Variants in PEX6 observed in about 807,000 individuals in gnomAD.
PEX6 encodes the protein peroxisome biogenesis factor 6.
In PEX6, 55 loss-of-function variants were observed where a neutral mutation model predicts 85.6. That is an observed-to-expected ratio of 0.64 (90% CI 0.52 to 0.80). The LOEUF (loss-of-function observed/expected upper bound fraction) is 0.80, where lower values mean the gene tolerates loss of function less well. PEX6 is among the 30% of genes least tolerant of loss of function. The pLI, the probability that PEX6 is intolerant of heterozygous loss-of-function variation, is 0.00. For synonymous variants in PEX6, 519 were observed against 549.1 expected (o/e 0.95, Z 0.77); for missense variants, 1,099 against 1,260.3 (o/e 0.87, Z 1.94).
chr6:42,974,822 AG>A, intron 2 of PEX6, 52 bp downstream of exon 2: 1 of 1,522,374 alleles, frequency 6.6e-7, no homozygotes, highest in Non-Finnish European at 9.1e-7. Context: ...ATGGGATAGG[AG>A]GAATGTAATG....
intron 3 of PEX6, among the ~76,000 whole-genome samples, chr6:42,973,072 T>C (rs9296406): frequency 0.59 from 89,789 of 151,894 alleles, 28,741 homozygotes; most frequent in African/African-American, 0.84. Context: ...AGAGCAGTGA[T>C]GCGATCTGGG....
chr6:42,970,103 G>T, intron 3 of PEX6, 116 bp from the exon 4 acceptor site: 1 of 799,704 alleles, frequency 1.3e-6, no homozygotes, highest in Non-Finnish European at 2.2e-6. Flanking sequence ...CGTGTCCCGA[G>T]TCATGGTGGG....
rs757254854 is a variant in PEX6 at position 42,964,354 on chromosome 6, C to T, written c.2924G>A (p.Arg975His). The T allele has an allele frequency of 1.1e-5, 17 of 1,613,776 alleles. No individual in the cohort carries two copies. The highest frequency in any genetic ancestry group is 2.2e-5 in the East Asian group (1 of 44,884). The change falls in exon 17 of 17, where the codon CGC (arginine) becomes CAC (histidine). Residue 975 changes from arginine to histidine, a missense_variant. By Grantham distance (29) the Arg-to-His change is conservative (BLOSUM62 0). This residue lies in a region of PEX6 where 514 missense variants were observed against 627.0 expected (regional missense o/e 0.82). Transcript: ENST00000304611. This position sits in a 1 kb window ranked among gnomAD's most constrained non-coding sequence, Gnocchi z 4.6. The part of the protein sequence containing the change: ...QELLRYKRIQ[R>H]KFAAC ...GGGCTCCTAGCAGGCAGCAAACTTG[C>T]GCTGGATGCGCTTGTACCGGAGCAG...
At chr6:42,972,522 G>C (rs562834034) in intron 3 of PEX6, among the ~76,000 whole-genome samples, 3 of 152,278 alleles carry the variant, frequency 2.0e-5, no homozygotes, top group Non-Finnish European at 4.4e-5. Context: ...TGTAATCCCA[G>C]CACTTTGGGA....
In PEX6 at chr6:42,964,438, G is replaced by T. The variant is rs1405607038; in HGVS notation, c.2840C>A (p.Thr947Asn). The T allele has an allele frequency of 3.7e-6, 6 of 1,613,852 alleles. No individual in the cohort carries two copies. Among genetic ancestry groups the T allele is most frequent in the Non-Finnish European group, 5.1e-6 (6 of 1,180,014 alleles). ...GGCAGCCTGCAGCAAGTCCTCCATG[G>T]TGAGCATCAGTGCTGAGCTACCTGG... The part of the protein sequence containing the change: ...LEPGSSALML[T>N]MEDLLQAAAR... The change falls in exon 17 of 17, where the codon ACC becomes AAC. Residue 947 changes from threonine (T) to asparagine (N), a missense_variant. Physicochemically the swap from Thr to Asn is moderately conservative, Grantham distance 65. Around this residue, in one of 3 missense-constraint regions of PEX6, gnomAD observed 514 missense variants for 627.0 expected, o/e 0.82. Transcript: ENST00000304611. The surrounding 1 kb of genome is among the most constrained non-coding windows in gnomAD (Gnocchi z 4.6).
chr6:42,972,249 A>T (rs1407415896), intron 3 of PEX6, among the ~76,000 whole-genome samples: 2 of 152,200 alleles, frequency 1.3e-5, no homozygotes, highest in African/African-American at 2.4e-5. Context: ...TGCTGCAGGA[A>T]ATGAGTCCAG....
intron 3 of PEX6, among the ~76,000 whole-genome samples, chr6:42,970,791 C>T (rs145500014): frequency 7.2e-4 from 109 of 152,272 alleles, no homozygotes; most frequent in African/African-American, 2.4e-3. Flanking sequence ...CCAGTCTCAC[C>T]CTGATTCTGC....
intron 1 of PEX6, 112 bp downstream of exon 1, chr6:42,978,157 T>C (rs1770383330): frequency 1.5e-6 from 2 of 1,336,368 alleles, no homozygotes; most frequent in Non-Finnish European, 2.1e-6. Context: ...AAACATTATG[T>C]TCAAAGTCCG....
chr6:42,973,783 G>C lies in PEX6; in HGVS notation c.1130+220C>G, dbSNP rs1265949114. 2.6e-5 allele frequency among the ~76,000 whole-genome samples: 4 copies of C among 152,158 alleles called. No individual in the cohort carries two copies. The South Asian group carries it at 8.3e-4, about 32-fold the overall frequency. ...CAGTGCTGAGGTGGGAGGATCACTTGAGCCATGGAGGTAGAGGCTGCAGTG... is the reference window on the plus strand; with the variant it reads ...CAGTGCTGAGGTGGGAGGATCACTTCAGCCATGGAGGTAGAGGCTGCAGTG... On this transcript the variant is annotated intron_variant, in intron 3 of 16. Coordinates refer to ENST00000304611, the MANE Select transcript of PEX6 (RefSeq NM_000287.4).
intron 3 of PEX6, among the ~76,000 whole-genome samples, chr6:42,972,804 T>A (rs1419140887): frequency 6.6e-6 from 1 of 150,586 alleles, no homozygotes; most frequent in Admixed American, 6.6e-5. Flanking sequence ...ATCCCTCTCC[T>A]GTTTTCAGAG....
chr6:42,972,478 T>C (rs1222108714), intron 3 of PEX6, among the ~76,000 whole-genome samples: 2 of 152,032 alleles, frequency 1.3e-5, no homozygotes, highest in African/African-American at 2.4e-5. Flanking sequence ...TCAAAAACAA[T>C]AGAAATCCCT....
rs1337827374 is a variant in PEX6, at chr6:42,964,154, TA to T, written c.*180del. On this transcript the variant is annotated 3_prime_UTR_variant, in exon 17 of 17. Coordinates refer to ENST00000304611, the MANE Select transcript of PEX6 (RefSeq NM_000287.4). The surrounding 1 kb of genome is among the most constrained non-coding windows in gnomAD (Gnocchi z 4.6). The stretch of plus-strand genomic sequence containing the variant: ...GAAGGAGGGGCAAGTAGGCAGGAGA[TA>T]TCTCTTGAGCTGTTGCTGCTGTCTC... 3 of 646,420 alleles carry T rather than the reference TA, an allele frequency of 4.6e-6. No individual in the cohort carries two copies. The highest frequency in any genetic ancestry group is 5.3e-5 in the Admixed American group (2 of 37,388). The allele number at this position is 646,420 out of a possible 1,614,324, so 40.0% of individuals were successfully genotyped here. A position where few individuals can be genotyped will look rare whatever the true frequency, so the allele number is the denominator to read the frequency against.
chr6:42,978,749 G>A lies in PEX6; in HGVS notation c.402C>T (p.Pro134=), dbSNP rs773371109. 6.5e-6 allele frequency: 10 copies of A among 1,536,062 alleles called. No homozygotes were observed. Among genetic ancestry groups the A allele is most frequent in the Admixed American group, 2.0e-5 (1 of 51,046 alleles). The change falls in exon 1 of 17, where the codon CCC becomes CCT. Residue 134 remains proline (P), a synonymous_variant. Transcript: ENST00000304611. ...GCCGCGTCTCCAGCACCCGCGGTCC[G>A]GGCACTGGGAGGGTCTCTCCGCGCC... ...LVRRGETLPV[P]GPRVLETRPA... is the part of the protein sequence containing the mutation.
Position 42,964,684 on chromosome 6 carries a change from G to T in PEX6, c.2806+106C>A. ...TGCCCAGGCTGGCCTCAAACTCCTG[G>T]GCTCAAGCGATCCTCCCACCTCAGC... is the stretch of plus-strand genomic sequence containing the variant. On this transcript the variant is annotated intron_variant, in intron 16 of 16. Transcript: ENST00000304611. The surrounding 1 kb of genome is among the most constrained non-coding windows in gnomAD (Gnocchi z 4.6). 6.7e-7 allele frequency: 1 copy of T among 1,490,890 alleles called. No homozygotes were observed. The allele number at this position is 1,490,890 out of a possible 1,614,324, so 92.4% of individuals were successfully genotyped here.
intron 2 of PEX6, 73 bp from the exon 3 acceptor site, chr6:42,974,159 C>T (rs927809242): frequency 8.9e-7 from 1 of 1,118,110 alleles, no homozygotes; most frequent in Non-Finnish European, 1.4e-6. Flanking sequence ...ACATGTCCAC[C>T]CCCGACATGC....
intron 9 of PEX6, 44 bp from the exon 10 acceptor site, chr6:42,966,701 C>T (rs1769822338): frequency 2.5e-6 from 4 of 1,614,016 alleles, no homozygotes; most frequent in Non-Finnish European, 3.4e-6. Context: ...ATCAGCGTCC[C>T]ATTCCCTTCT....
chr6:42,968,391 T>C lies in PEX6; in HGVS notation c.1587A>G (p.Thr529=). The change falls in exon 7 of 17, where the codon ACA becomes ACG. Residue 529 remains threonine, a synonymous_variant. Transcript: ENST00000304611. ...GGTCCCGGCCCAGAAGGTCCACAGC[T>C]GTGAGCAACAGGACTGCAGGCCGGC... The part of the protein sequence containing the change: ...RRCRPAVLLL[T]AVDLLGRDRD... 1 of 1,614,128 alleles carries C rather than the reference T, an allele frequency of 6.2e-7. No individual in the cohort carries two copies. Among genetic ancestry groups the C allele is most frequent in the South Asian group, 1.1e-5 (1 of 91,090 alleles).
chr6:42,966,503 C>T (rs893506937), intron 10 of PEX6, 22 bp downstream of exon 10: 1 of 1,614,156 alleles, frequency 6.2e-7, no homozygotes, highest in South Asian at 1.1e-5. Context: ...TCCTGTCCCA[C>T]CTCCAAGGAC....
Position 42,965,017 on chromosome 6 carries a change from C to T in PEX6, c.2666+58G>A, listed in dbSNP as rs544511067. On this transcript the variant is annotated intron_variant, in intron 15 of 16. Coordinates refer to ENST00000304611, the MANE Select transcript of PEX6 (RefSeq NM_000287.4). This position sits in a 1 kb window ranked among gnomAD's most constrained non-coding sequence, Gnocchi z 5.0. ...ACCAGCTCATCCTGCATGTTGCATG[C>T]ATCCCCTAAGCATCCCAAGGCCCAA... 3 of 1,611,386 alleles carry T rather than the reference C, an allele frequency of 1.9e-6. No homozygotes were observed. Among genetic ancestry groups the T allele is most frequent in the African/African-American group, 1.3e-5 (1 of 75,016 alleles).
Sources: gnomAD v4.1 joint callset for allele counts (sites outside exome capture counted in the v4.1 genomes callset) on GRCh38, gnomAD v4.1.1 for gene constraint, gnomAD v4.1.1 regional missense constraint, Gnocchi (gnomAD v3.1) non-coding constraint, MANE v1.5 for transcripts, NCBI Gene and HGNC (gene_info 2026-07-23, HGNC 2026-07-21) for gene names.